EIF2AK1: variants seen among roughly 807,000 people sequenced by gnomAD.
EIF2AK1 encodes the protein eukaryotic translation initiation factor 2-alpha kinase 1.
In EIF2AK1, 54 loss-of-function variants were observed where a neutral mutation model predicts 77.9. The ratio of observed to expected loss-of-function variants is 0.69; its 90% CI spans 0.56 to 0.87. The LOEUF (loss-of-function observed/expected upper bound fraction) is 0.87. Among genes scored for constraint, EIF2AK1 ranks in the 40% least tolerant of loss-of-function variants. The pLI is 0.00. For missense variants in EIF2AK1, 810 were observed against 768.6 expected, an observed-to-expected ratio of 1.05 and a Z score of -0.64; for synonymous variants, 314 against 290.5, an observed-to-expected ratio of 1.08 and a Z score of -0.82.
At chr7:6,058,867 C>A in intron 1 of EIF2AK1, 99 bp downstream of exon 1, 1 of 1,111,942 alleles carries the variant, frequency 9.0e-7, no homozygotes. Flanking sequence ...CAGCCAAAGT[C>A]GCCCAGGTCC....
At chr7:6,024,839 CTTTTTT>C in intron 14 of EIF2AK1, 38 bp from the exon 15 acceptor site, 1 of 1,112,656 alleles carries the variant, frequency 9.0e-7, no homozygotes, top group Non-Finnish European at 1.2e-6. Context: ...ATTAAAATAA[CTTTTTT>C]TTTTTTTTTT....
chr7:6,032,823 T>A lies in EIF2AK1; in HGVS notation c.1333-3791A>T. 1 of 1,546,138 alleles carries A rather than the reference T, an allele frequency of 6.5e-7. No homozygotes were observed. Among genetic ancestry groups the A allele is most frequent in the Non-Finnish European group, 8.8e-7 (1 of 1,142,828 alleles). On this transcript the variant is annotated intron_variant, in intron 11 of 14. Coordinates refer to ENST00000199389, the MANE Select transcript of EIF2AK1 (RefSeq NM_014413.4). The surrounding 1 kb of genome is among the most constrained non-coding windows in gnomAD (Gnocchi z 4.3). Reference sequence around the variant, plus strand: ...ACACAGGGCCACTTGTAATGTGTTTTGTTTTCCCTCCAAAGCCGACAGAGT... The same window carrying A: ...ACACAGGGCCACTTGTAATGTGTTTAGTTTTCCCTCCAAAGCCGACAGAGT...
At chr7:6,047,130 G>C in intron 4 of EIF2AK1, 39 bp from the exon 5 acceptor site, 1 of 1,570,792 alleles carries the variant, frequency 6.4e-7, no homozygotes, top group Non-Finnish European at 8.8e-7. Flanking sequence ...TAAAACATGA[G>C]AGAATCAAAA....
chr7:6,044,274 C>T (rs2128889970), intron 7 of EIF2AK1, among the ~76,000 whole-genome samples: 1 of 151,598 alleles, frequency 6.6e-6, no homozygotes, highest in Middle Eastern at 3.4e-3. Flanking sequence ...ACCATCCTGG[C>T]TAACACGGTG....
intron 2 of EIF2AK1, among the ~76,000 whole-genome samples, chr7:6,053,609 T>A (rs672221): frequency 6.6e-6 from 1 of 150,678 alleles, no homozygotes; most frequent in African/African-American, 2.4e-5. Context: ...ATGATCCACC[T>A]GCCTCAGTCT....
At chr7:6,046,197 T>A in intron 5 of EIF2AK1, 46 bp from the exon 6 acceptor site, 1 of 1,129,744 alleles carries the variant, frequency 8.9e-7, no homozygotes, top group Non-Finnish European at 1.3e-6. Flanking sequence ...CATTAAACTT[T>A]AACTGAATAA....
chr7:6,029,870 C>T (rs1162647203), intron 11 of EIF2AK1, among the ~76,000 whole-genome samples: 1 of 152,036 alleles, frequency 6.6e-6, no homozygotes, highest in Non-Finnish European at 1.5e-5. Flanking sequence ...GTAATCCCAG[C>T]TACTCGGGAG....
At position 6,024,775 on chromosome 7, in the gene EIF2AK1, T is replaced by C. The variant is rs1562738277; in HGVS notation, c.1791A>G (p.Ile597Met). The change falls in exon 15 of 15, where the codon ATA becomes ATG. Residue 597 changes from isoleucine to methionine, a missense_variant. Coordinates refer to ENST00000199389, the MANE Select transcript of EIF2AK1 (RefSeq NM_014413.4). ...CTGCAATTTCTTTTTCTTGCTCTAT[T>C]ATCTTCATCTGTAGGGTGAGGTTAA... ...GNVNLTLQMK[I>M]IEQEKEIAEL... 6.3e-7 allele frequency: 1 copy of C among 1,579,428 alleles called. No homozygotes were observed. The highest frequency in any genetic ancestry group is 8.6e-7 in the Non-Finnish European group (1 of 1,167,734).
intron 1 of EIF2AK1, among the ~76,000 whole-genome samples, chr7:6,055,855 T>C (rs1788740725): frequency 6.7e-6 from 1 of 150,320 alleles, no homozygotes. Flanking sequence ...GGCGCATGCC[T>C]GTAATCAATC....
rs1280643697 is a variant in EIF2AK1 at position 6,027,713 on chromosome 7, T to C, written c.1531-752A>G. Among the ~76,000 whole-genome samples, 4 of 151,948 alleles carry C rather than the reference T, an allele frequency of 2.6e-5. No homozygotes were observed. In the East Asian group the frequency reaches 7.8e-4, roughly 29 times the overall value. On this transcript the variant is annotated intron_variant, in intron 13 of 14. Coordinates refer to ENST00000199389, the MANE Select transcript of EIF2AK1 (RefSeq NM_014413.4). This position sits in a 1 kb window ranked among gnomAD's most constrained non-coding sequence, Gnocchi z 4.5. ...ATGAGAAGAAAGGCTGAAAACAGGC[T>C]TCCATGAATTCTAGCTTCCTGAGGT... is the stretch of plus-strand genomic sequence containing the variant.
Position 6,024,262 on chromosome 7 carries a change from G to A in EIF2AK1, c.*411C>T. On this transcript the variant is annotated 3_prime_UTR_variant, in exon 15 of 15. Transcript: ENST00000199389. ...CTTCAGGTAATGAACTTCAGCTGCAGTGTGAAAGGGGCAGGAAGACTGGCA... is the reference window on the plus strand; with the variant it reads ...CTTCAGGTAATGAACTTCAGCTGCAATGTGAAAGGGGCAGGAAGACTGGCA... 8.2e-7 allele frequency: 1 copy of A among 1,214,448 alleles called. No individual in the cohort carries two copies. Among genetic ancestry groups the A allele is most frequent in the Non-Finnish European group, 1.0e-6 (1 of 957,480 alleles). The allele number at this position is 1,214,448 out of a possible 1,614,324, so 75.2% of individuals were successfully genotyped here.
chr7:6,023,569 C>G lies in EIF2AK1; in HGVS notation c.*1104G>C, dbSNP rs1368842334. ...TGAACTCACCGTAGCAGACGTGGTG[C>G]TGTGGTCTGTACTCCAGCAGATCGG... On this transcript the variant is annotated 3_prime_UTR_variant, in exon 15 of 15. Transcript: ENST00000199389. The G allele has an allele frequency of 6.2e-7, 1 of 1,614,206 alleles. No individual in the cohort carries two copies. Among genetic ancestry groups the G allele is most frequent in the Admixed American group, 1.7e-5 (1 of 60,016 alleles).
intron 3 of EIF2AK1, 102 bp downstream of exon 3, chr7:6,049,810 A>G: frequency 8.0e-7 from 1 of 1,243,278 alleles, no homozygotes; most frequent in East Asian, 2.6e-5. Flanking sequence ...ATACTTTTAA[A>G]AACTTGTTTT....
chr7:6,044,190 C>A (rs543764685), intron 7 of EIF2AK1, among the ~76,000 whole-genome samples: 18 of 151,992 alleles, frequency 1.2e-4, no homozygotes, highest in African/African-American at 4.3e-4. Context: ...ACCAACCAGG[C>A]GCGGTGGCTC....
chr7:6,023,371 C>T lies in EIF2AK1; in HGVS notation c.*1302G>A, dbSNP rs377482895. 1.5e-5 allele frequency: 25 copies of T among 1,613,910 alleles called. No individual in the cohort carries two copies. The highest frequency in any genetic ancestry group is 1.9e-5 in the Non-Finnish European group (22 of 1,179,988). ...CATCGAAGGCGAAGGGAACATTGCACGTTTCTTGTTCTCTCTGTTTGGCCA... is the reference window on the plus strand; with the variant it reads ...CATCGAAGGCGAAGGGAACATTGCATGTTTCTTGTTCTCTCTGTTTGGCCA... On this transcript the variant is annotated 3_prime_UTR_variant, in exon 15 of 15. Transcript: ENST00000199389.
chr7:6,026,681 A>G (rs1340190319), intron 14 of EIF2AK1, 47 bp downstream of exon 14: 5 of 1,537,688 alleles, frequency 3.3e-6, no homozygotes. Context: ...AAGAGAGGCA[A>G]TAAAAACCAC....
At chr7:6,047,118 AT>A in intron 4 of EIF2AK1, 27 bp from the exon 5 acceptor site, 2 of 1,589,478 alleles carry the variant, frequency 1.3e-6, no homozygotes, top group South Asian at 1.1e-5. Flanking sequence ...AACAATCAAT[AT>A]TAAAACATGA....
intron 11 of EIF2AK1, chr7:6,031,537 C>T: frequency 3.2e-6 from 5 of 1,550,802 alleles, no homozygotes; most frequent in Non-Finnish European, 4.4e-6. Flanking sequence ...ACCCTGTCAA[C>T]CAGCCCATCA....
chr7:6,044,139 C>A (rs1353321068), intron 7 of EIF2AK1, among the ~76,000 whole-genome samples: 1 of 151,806 alleles, frequency 6.6e-6, no homozygotes, highest in East Asian at 1.9e-4. Context: ...ATAATTTTCA[C>A]AAAATCTTCT....
Sources: gnomAD v4.1 joint callset for allele counts (sites outside exome capture counted in the v4.1 genomes callset) on GRCh38, gnomAD v4.1.1 for gene constraint, Gnocchi (gnomAD v3.1) non-coding constraint, MANE v1.5 for transcripts, NCBI Gene and HGNC (gene_info 2026-07-23, HGNC 2026-07-21) for gene names.